The following LRRK2 variants were observed in gnomAD, a reference collection of about 807,000 sequenced individuals.
LRRK2 encodes the protein leucine rich repeat kinase 2, also known as leucine-rich repeat serine/threonine-protein kinase 2.
LRRK2 carries 203 observed loss-of-function variants against 302.6 expected under a neutral mutation model. The ratio of observed to expected loss-of-function variants is 0.67; its 90% CI spans 0.60 to 0.75. The LOEUF (loss-of-function observed/expected upper bound fraction) is 0.75, where lower values mean the gene tolerates loss of function less well. Among genes scored for constraint, LRRK2 ranks in the 30% least tolerant of loss-of-function variants. The pLI is 0.00. For synonymous variants in LRRK2, 1,066 were observed against 1,031.9 expected (o/e 1.03, Z -0.63); for missense variants, 2,830 against 2,951.0 (o/e 0.96, Z 0.95).
intron 11 of LRRK2, among the ~76,000 whole-genome samples, chr12:40,253,592 G>A (rs1370889562): frequency 6.6e-6 from 1 of 152,134 alleles, no homozygotes; most frequent in African/African-American, 2.4e-5. Context: ...TGCCCAGGCT[G>A]GTCTCGAATT....
chr12:40,269,072 C>A (rs1387297939), intron 14 of LRRK2, among the ~76,000 whole-genome samples: 1 of 152,096 alleles, frequency 6.6e-6, no homozygotes. Flanking sequence ...ACGTAAATGA[C>A]AACGGAACAC....
intron 18 of LRRK2, among the ~76,000 whole-genome samples, chr12:40,279,464 G>T (rs754033848): frequency 6.6e-6 from 1 of 151,830 alleles, no homozygotes; most frequent in East Asian, 1.9e-4. Flanking sequence ...TAGTTGCTCC[G>T]CTTTACTAAA....
At position 40,293,894 on chromosome 12, in the gene LRRK2, C is replaced by CATATAT. The variant is rs1491426750; in HGVS notation, c.2808+232_2808+233insTATATA. On this transcript the variant is annotated intron_variant, in intron 21 of 50. Coordinates refer to ENST00000298910, the MANE Select transcript of LRRK2 (RefSeq NM_198578.4). ...TATGCAGGGTATGAATTTTTTGGGG[C>CATATAT]ACATATATATATATATATATACTTA... 2.3e-3 allele frequency among the ~76,000 whole-genome samples: 163 copies of CATATAT among 70,596 alleles called. 2 individuals are homozygous for CATATAT. The highest frequency in any genetic ancestry group is 6.9e-3 in the African/African-American group (136 of 19,776). The allele number at this position is 70,596 out of a possible 152,430, so 46.3% of individuals were successfully genotyped here.
intron 44 of LRRK2, among the ~76,000 whole-genome samples, chr12:40,353,101 C>A: frequency 6.6e-6 from 1 of 151,420 alleles, no homozygotes; most frequent in South Asian, 2.1e-4. Flanking sequence ...CCCCCACCTC[C>A]CGGATGGGGT....
chr12:40,343,026 A>G (rs1448048597), intron 41 of LRRK2, among the ~76,000 whole-genome samples: 1 of 152,174 alleles, frequency 6.6e-6, no homozygotes, highest in Non-Finnish European at 1.5e-5. Flanking sequence ...AGTTTAGAGA[A>G]TATAAAAAAA....
At chr12:40,326,332 T>A (rs1379556608) in intron 38 of LRRK2, among the ~76,000 whole-genome samples, 1 of 151,394 alleles carries the variant, frequency 6.6e-6, no homozygotes, top group Non-Finnish European at 1.5e-5. Context: ...GGCGTGGTGG[T>A]GTGGGCGGCT....
intron 12 of LRRK2, among the ~76,000 whole-genome samples, chr12:40,258,736 G>A (rs1362064483): frequency 2.6e-5 from 4 of 152,190 alleles, no homozygotes; most frequent in African/African-American, 9.6e-5. Flanking sequence ...GGTTACCCAA[G>A]GAGGGGAGGC....
At position 40,240,497 on chromosome 12, in the gene LRRK2, C is replaced by A. The variant is rs1356206610; in HGVS notation, c.586C>A (p.Leu196Met). 16 of 1,612,710 alleles carry A rather than the reference C, an allele frequency of 9.9e-6. No homozygotes were observed. The highest frequency in any genetic ancestry group is 1.4e-5 in the Non-Finnish European group (16 of 1,179,296). ...VLFERVSEEQLTEFVENKDYM... is the reference protein window; with the variant it reads ...VLFERVSEEQMTEFVENKDYM... ...TCATTTTTAAGTCTCAGAGGAGCAA[C>A]TGACTGAATTTGTTGAGAACAAAGA... Residue 196 changes from leucine (L) to methionine (M), a missense_variant, in exon 6 of 51, where the codon CTG (leucine) becomes ATG (methionine). Coordinates refer to ENST00000298910, the MANE Select transcript of LRRK2 (RefSeq NM_198578.4).
rs1943375283 is a variant in LRRK2 at position 40,274,694 on chromosome 12, C to T, written c.1768C>T (p.Leu590Phe). 5 of 1,613,904 alleles carry T rather than the reference C, an allele frequency of 3.1e-6. No homozygotes were observed. Among genetic ancestry groups the T allele is most frequent in the Non-Finnish European group, 3.4e-6 (4 of 1,179,946 alleles). ...LSLEGAMDSVLHTLQMYPDDQ... is the reference protein window; with the variant it reads ...LSLEGAMDSVFHTLQMYPDDQ... ...CCTGGAAGGTGCTATGGATTCAGTG[C>T]TTCACACACTGCAGATGTATCCAGA... Residue 590 changes from leucine to phenylalanine, a missense_variant, in exon 15 of 51, where the codon CTT becomes TTT. Physicochemically the swap from Leu to Phe is conservative, Grantham distance 22. Transcript: ENST00000298910.
In LRRK2 at chr12:40,340,379, A is replaced by G; in HGVS notation, c.6034A>G (p.Ile2012Val). Reference protein sequence around the residue: ...LFTLYPNAAIIAKIADYGIAQ... With the variant: ...LFTLYPNAAIVAKIADYGIAQ... ...CACACTGTATCCCAATGCTGCCATC[A>G]TTGCAAAGATTGCTGACTACGGCAT... Residue 2012 changes from isoleucine (I) to valine (V), a missense_variant, in exon 41 of 51, where the codon ATT (isoleucine) becomes GTT (valine). Ile to Val is a conservative substitution (Grantham distance 29). Coordinates refer to ENST00000298910, the MANE Select transcript of LRRK2 (RefSeq NM_198578.4). 2 of 1,613,944 alleles carry G rather than the reference A, an allele frequency of 1.2e-6. No individual in the cohort carries two copies. Among genetic ancestry groups the G allele is most frequent in the Non-Finnish European group, 1.7e-6 (2 of 1,179,864 alleles).
chr12:40,314,277 A>G, intron 32 of LRRK2, 104 bp downstream of exon 32: 1 of 1,200,362 alleles, frequency 8.3e-7, no homozygotes, highest in Non-Finnish European at 1.2e-6. Context: ...GAGAATATCC[A>G]TACGGTTCTT....
intron 20 of LRRK2, 100 bp from the exon 21 acceptor site, chr12:40,293,445 A>T (rs1376391061): frequency 2.7e-6 from 2 of 728,428 alleles, no homozygotes; most frequent in East Asian, 5.7e-5. Flanking sequence ...ATTAATAAAA[A>T]TAGGTCTAAT....
intron 7 of LRRK2, 121 bp downstream of exon 7, chr12:40,243,802 T>TA (rs1941851530): frequency 2.0e-6 from 2 of 992,622 alleles, no homozygotes; most frequent in Non-Finnish European, 3.0e-6. Flanking sequence ...GAAAATATTG[T>TA]AAAATCCCAG....
In LRRK2 at chr12:40,326,465, C is replaced by CAA. The variant is rs1360220415; in HGVS notation, c.5657-1885_5657-1884dup. 1.7e-3 allele frequency among the ~76,000 whole-genome samples: 101 copies of CAA among 60,702 alleles called. 1 individual carries two copies. Among genetic ancestry groups the CAA allele is most frequent in the Non-Finnish European group, 3.2e-4 (10 of 30,806 alleles). 39.8% of individuals were successfully genotyped at this position (60,702 alleles called of 152,430 possible). ...CGGGCGACAGAGCGAGACTCTGTCT[C>CAA]AAAAAAAAAAAGAAAAAAAAAAAGA... On this transcript the variant is annotated intron_variant, in intron 38 of 50. Coordinates refer to ENST00000298910, the MANE Select transcript of LRRK2 (RefSeq NM_198578.4).
At chr12:40,231,576 C>CAAAAAAA (rs71078231) in intron 2 of LRRK2, among the ~76,000 whole-genome samples, 1 of 105,884 alleles carries the variant, frequency 9.4e-6, no homozygotes, top group Non-Finnish European at 1.8e-5. Flanking sequence ...AAAACAAAAC[C>CAAAAAAA]AAAAAAAAAA....
chr12:40,347,217 A>G (rs995730123), intron 42 of LRRK2, among the ~76,000 whole-genome samples: 1 of 152,224 alleles, frequency 6.6e-6, no homozygotes, highest in African/African-American at 2.4e-5. Context: ...AATTTTCATA[A>G]AGAATTACTG....
In LRRK2 at chr12:40,322,397, A is replaced by G; in HGVS notation, c.5396A>G (p.Asp1799Gly). The G allele has an allele frequency of 6.2e-7, 1 of 1,613,608 alleles. No homozygotes were observed. The highest frequency in any genetic ancestry group is 2.2e-5 in the East Asian group (1 of 44,840). ...TGGTTTCCTGGGTTGCTGGAGATTG[A>G]TATTTGTGGTGAAGGAGAAACTCTG... Reference protein sequence around the residue: ...EEWFPGLLEIDICGEGETLLK... With the variant: ...EEWFPGLLEIGICGEGETLLK... Residue 1799 changes from aspartate (D) to glycine (G), a missense_variant, in exon 37 of 51, where the codon GAT becomes GGT. Around this residue, in one of 3 missense-constraint regions of LRRK2, gnomAD observed 2,121 missense variants for 2,148.0 expected, o/e 0.99. Coordinates refer to ENST00000298910, the MANE Select transcript of LRRK2 (RefSeq NM_198578.4).
At chr12:40,231,076 A>T (rs960965247) in intron 2 of LRRK2, among the ~76,000 whole-genome samples, 1 of 152,110 alleles carries the variant, frequency 6.6e-6, no homozygotes, top group African/African-American at 2.4e-5. Context: ...ATTGCTAAAA[A>T]TGCCACGTTT....
At chr12:40,243,161 A>G (rs1233670069) in intron 6 of LRRK2, among the ~76,000 whole-genome samples, 2 of 151,858 alleles carry the variant, frequency 1.3e-5, no homozygotes, top group African/African-American at 4.8e-5. Context: ...GTCTGGAAAA[A>G]AAAAAAAGAA....
Sources: allele counts gnomAD v4.1 joint callset (sites outside exome capture counted in the v4.1 genomes callset), GRCh38; gene constraint gnomAD v4.1.1; regional missense constraint gnomAD v4.1.1; transcripts MANE v1.5; gene names NCBI Gene and HGNC (gene_info 2026-07-23, HGNC 2026-07-21).